Variants in KRT82 observed in about 807,000 individuals in gnomAD.
The protein encoded by KRT82 is keratin 82.
KRT82 carries 44 observed loss-of-function variants against 48.0 expected under a neutral mutation model. That is an observed-to-expected ratio of 0.92 (90% confidence interval 0.72 to 1.18). The LOEUF (loss-of-function observed/expected upper bound fraction) is 1.18. Ranked by LOEUF, KRT82 falls within the 50% of genes most tolerant of loss-of-function variation. The pLI is 0.00. For missense variants in KRT82, 701 were observed against 671.4 expected (o/e 1.04, Z -0.49); for synonymous variants, 297 against 278.3 (o/e 1.07, Z -0.67).
Position 52,395,064 on chromosome 12 carries a change from C to T in KRT82, c.1453G>A (p.Glu485Lys), listed in dbSNP as rs140708995. The T allele has an allele frequency of 2.7e-5, 43 of 1,613,890 alleles. No homozygotes were observed. Among genetic ancestry groups the T allele is most frequent in the Middle Eastern group, 1.6e-4 (1 of 6,084 alleles). ...VGTGELYVPC[E>K]PQGLLSCGSG... ...CCACAGCTCAGTAGCCCCTGGGGCT[C>T]GCAGGGGACATAGAGTTCACCAGTG... Residue 485 changes from glutamate to lysine, a missense_variant, in exon 9 of 9, where the codon GAG (glutamate) becomes AAG (lysine). Transcript: ENST00000257974.
In KRT82 at chr12:52,400,159, G is replaced by A; in HGVS notation, c.778-10C>T. ...GGAGCAGGCAGATCTCCTGGGGGCA[G>A]GGCCCATGTGAGAAGGAGTGAGCTC... On this transcript the variant is annotated splice_polypyrimidine_tract_variant and intron_variant, in intron 4 of 8. Transcript: ENST00000257974. 6.2e-7 allele frequency: 1 copy of A among 1,608,938 alleles called. No homozygotes were observed. The highest frequency in any genetic ancestry group is 8.5e-7 in the Non-Finnish European group (1 of 1,176,278).
In KRT82 at chr12:52,405,881, A is replaced by G. The variant is rs764138982; in HGVS notation, c.397T>C (p.Ser133Pro). ...TGCCCCCTTACCTTGTTGATGAAAG[A>G]TGCGAAACGGTTGTTGAGGCACTTG... ...QIKCLNNRFA[S>P]FINKVRFLEQ... The change falls in exon 1 of 9, where the codon TCT becomes CCT. Residue 133 changes from serine to proline, a missense_variant. By Grantham distance (74) the Ser-to-Pro change is moderately conservative (BLOSUM62 -1). Coordinates refer to ENST00000257974, the MANE Select transcript of KRT82 (RefSeq NM_033033.4). 1.2e-6 allele frequency: 2 copies of G among 1,612,086 alleles called. No individual in the cohort carries two copies. The highest frequency in any genetic ancestry group is 1.3e-5 in the African/African-American group (1 of 75,010).
chr12:52,400,538 G>A lies in KRT82; in HGVS notation c.766C>T (p.Leu256=), dbSNP rs567837757. The A allele has an allele frequency of 1.5e-5, 25 of 1,613,648 alleles. No individual in the cohort carries two copies. Among genetic ancestry groups the A allele is most frequent in the Non-Finnish European group, 2.0e-5 (24 of 1,179,678 alleles). ...LVQEIDFLKS[L]YEEEICLLQS... is the part of the protein sequence containing the mutation. ...AGGGCTGTGGGTACCTCCTCATACA[G>A]GCTTTTCAGGAAGTCGATCTCCTGC... The change falls in exon 4 of 9, where the codon CTG becomes TTG. Residue 256 remains leucine, a synonymous_variant. Coordinates refer to ENST00000257974, the MANE Select transcript of KRT82 (RefSeq NM_033033.4).
rs1939684195 is a variant in KRT82 at position 52,394,652 on chromosome 12, A to G, written c.*323T>C. The G allele has an allele frequency of 5.2e-6, 2 of 388,264 alleles. No individual in the cohort carries two copies. Among genetic ancestry groups the G allele is most frequent in the South Asian group, 2.9e-5 (1 of 34,554 alleles). 24.1% of individuals were successfully genotyped at this position (388,264 alleles called of 1,614,324 possible). On this transcript the variant is annotated 3_prime_UTR_variant, in exon 9 of 9. Coordinates refer to ENST00000257974, the MANE Select transcript of KRT82 (RefSeq NM_033033.4). Reference sequence around the variant, plus strand: ...GAAACTTCCATGGGATGATCCACAGAGCAGAACTGTGGTGTGCCCATTTGA... The same window carrying G: ...GAAACTTCCATGGGATGATCCACAGGGCAGAACTGTGGTGTGCCCATTTGA...
chr12:52,403,195 A>C (rs538498618), intron 2 of KRT82, among the ~76,000 whole-genome samples: 1 of 152,320 alleles, frequency 6.6e-6, no homozygotes, highest in South Asian at 2.1e-4. Context: ...CCTGATATGC[A>C]GGGAAAGGGC....
At chr12:52,405,376 C>A (rs2121486475) in intron 1 of KRT82, among the ~76,000 whole-genome samples, 1 of 152,348 alleles carries the variant, frequency 6.6e-6, no homozygotes, top group East Asian at 1.9e-4. Context: ...TCACCCTGTG[C>A]CTCTAGCTCT....
chr12:52,406,046 A>T lies in KRT82; in HGVS notation c.232T>A (p.Phe78Ile). 6.2e-7 allele frequency: 1 copy of T among 1,614,154 alleles called. No homozygotes were observed. The highest frequency in any genetic ancestry group is 8.5e-7 in the Non-Finnish European group (1 of 1,180,028). ...ASRCGGTLPGFGYRLGATCGP... is the reference protein window; with the variant it reads ...ASRCGGTLPGIGYRLGATCGP... The stretch of plus-strand genomic sequence containing the variant: ...CAGGTGGCTCCCAGTCGGTACCCGA[A>T]GCCAGGCAGGGTACCTCCACACCTG... Residue 78 changes from phenylalanine (F) to isoleucine (I), a missense_variant, in exon 1 of 9, where the codon TTC (phenylalanine) becomes ATC (isoleucine). Coordinates refer to ENST00000257974, the MANE Select transcript of KRT82 (RefSeq NM_033033.4).
chr12:52,404,152 G>C (rs541810206), intron 1 of KRT82, among the ~76,000 whole-genome samples: 38 of 152,288 alleles, frequency 2.5e-4, no homozygotes, highest in African/African-American at 8.7e-4. Context: ...GTAGTGGATG[G>C]TACTTCTCCA....
At chr12:52,401,211 G>T in intron 3 of KRT82, 78 bp downstream of exon 3, 2 of 1,235,236 alleles carry the variant, frequency 1.6e-6, no homozygotes, top group Non-Finnish European at 2.4e-6. Context: ...AGACACGTTT[G>T]GACTGAGTTC....
intron 7 of KRT82, 69 bp downstream of exon 7, chr12:52,395,940 AGCC>A: frequency 6.3e-7 from 1 of 1,591,364 alleles, no homozygotes; most frequent in Non-Finnish European, 8.6e-7. Context: ...AGATACTAGC[AGCC>A]GCCACCAGAG....
chr12:52,402,657 G>A (rs1939804659), intron 2 of KRT82, among the ~76,000 whole-genome samples: 3 of 152,172 alleles, frequency 2.0e-5, no homozygotes, highest in African/African-American at 7.2e-5. Flanking sequence ...TTCTCTGTTT[G>A]TGTGTAGGTG....
rs1565784216 is a variant in KRT82 at position 52,405,886 on chromosome 12, A to G, written c.392T>C (p.Phe131Ser). The change falls in exon 1 of 9, where the codon TTC (phenylalanine) becomes TCC (serine). Residue 131 changes from phenylalanine (F) to serine (S), a missense_variant. Phe to Ser is a radical substitution (Grantham distance 155). Coordinates refer to ENST00000257974, the MANE Select transcript of KRT82 (RefSeq NM_033033.4). ...KEQIKCLNNR[F>S]ASFINKVRFL... ...CCTTACCTTGTTGATGAAAGATGCG[A>G]AACGGTTGTTGAGGCACTTGATCTG... 1.2e-6 allele frequency: 2 copies of G among 1,612,568 alleles called. No homozygotes were observed. Among genetic ancestry groups the G allele is most frequent in the East Asian group, 4.5e-5 (2 of 44,840 alleles).
At chr12:52,400,180 A>G (rs778584551) in intron 4 of KRT82, 31 bp from the exon 5 acceptor site, 3 of 1,597,292 alleles carry the variant, frequency 1.9e-6, no homozygotes, top group East Asian at 4.5e-5. Flanking sequence ...AGAAGGAGTG[A>G]GCTCTCTGAG....
intron 8 of KRT82, 75 bp from the exon 9 acceptor site, chr12:52,395,270 C>T: frequency 1.6e-6 from 2 of 1,240,064 alleles, no homozygotes; most frequent in South Asian, 2.7e-5. Flanking sequence ...ACTACTCAGC[C>T]AGGCCATTCC....
chr12:52,400,562 G>C lies in KRT82; in HGVS notation c.742C>G (p.Gln248Glu). 6.2e-7 allele frequency: 1 copy of C among 1,614,080 alleles called. No individual in the cohort carries two copies. Among genetic ancestry groups the C allele is most frequent in the Non-Finnish European group, 8.5e-7 (1 of 1,179,952 alleles). Residue 248 changes from glutamine (Q) to glutamate (E), a missense_variant, in exon 4 of 9, where the codon CAG becomes GAG. Physicochemically the swap from Gln to Glu is conservative, Grantham distance 29. Coordinates refer to ENST00000257974, the MANE Select transcript of KRT82 (RefSeq NM_033033.4). The part of the protein sequence containing the change: ...DLETNAEALV[Q>E]EIDFLKSLYE... Reference sequence around the variant, plus strand: ...AGGCTTTTCAGGAAGTCGATCTCCTGCACGAGTGCCTCTGCGTTGGTCTCC... The same window carrying C: ...AGGCTTTTCAGGAAGTCGATCTCCTCCACGAGTGCCTCTGCGTTGGTCTCC...
intron 5 of KRT82, among the ~76,000 whole-genome samples, chr12:52,397,928 T>A (rs913831293): frequency 1.3e-5 from 2 of 152,088 alleles, no homozygotes; most frequent in Non-Finnish European, 2.9e-5. Context: ...ATGCTTATAA[T>A]CCCAGCTACT....
At position 52,396,909 on chromosome 12, in the gene KRT82, G is replaced by A; in HGVS notation, c.1042C>T (p.Gln348Ter). 1 of 1,614,114 alleles carries A rather than the reference G, an allele frequency of 6.2e-7. No homozygotes were observed. Among genetic ancestry groups the A allele is most frequent in the South Asian group, 1.1e-5 (1 of 91,074 alleles). Reference sequence around the variant, plus strand: ...TGGGCTTTGACATTCTCGGTTTCTTGCTGCAGCCGCTGGATCAGTTTATTC... The same window carrying A: ...TGGGCTTTGACATTCTCGGTTTCTTACTGCAGCCGCTGGATCAGTTTATTC... Reference protein sequence around the residue: ...EMNKLIQRLQQETENVKAQRC... With the variant: ...EMNKLIQRLQ Residue 348 changes from glutamine (Q) to a stop codon, truncating the protein, a stop_gained, in exon 6 of 9, where the codon CAA becomes TAA. Coordinates refer to ENST00000257974, the MANE Select transcript of KRT82 (RefSeq NM_033033.4). LOFTEE classifies it high-confidence loss of function.
Position 52,394,775 on chromosome 12 carries a change from C to A in KRT82, c.*200G>T. 1.7e-6 allele frequency: 1 copy of A among 605,618 alleles called. No homozygotes were observed. 37.5% of individuals were successfully genotyped at this position (605,618 alleles called of 1,614,324 possible). ...CTGGGCCTAGCTGAGGGTCTGCACA[C>A]AGGTGAGTGGAAGGTGACTCATGAG... On this transcript the variant is annotated 3_prime_UTR_variant, in exon 9 of 9. Transcript: ENST00000257974.
At chr12:52,396,817 C>A in intron 6 of KRT82, 66 bp downstream of exon 6, 1 of 1,594,706 alleles carries the variant, frequency 6.3e-7, no homozygotes, top group South Asian at 1.1e-5. Context: ...ACCCGCCCTG[C>A]ACGGCACAGA....
Sources: allele counts gnomAD v4.1 joint callset (sites outside exome capture counted in the v4.1 genomes callset), GRCh38; gene constraint gnomAD v4.1.1; transcripts MANE v1.5; gene names NCBI Gene and HGNC (gene_info 2026-07-23, HGNC 2026-07-21).